Variants in TBX1 observed in about 807,000 individuals in gnomAD.
TBX1 encodes the protein T-box transcription factor TBX1.
In TBX1, 16 loss-of-function variants were observed where a neutral mutation model predicts 40.8. The ratio of observed to expected loss-of-function variants is 0.39; its 90% CI spans 0.27 to 0.60. The LOEUF is 0.60. Among genes scored for constraint, TBX1 ranks in the 20% least tolerant of loss-of-function variants. TBX1 has a pLI of 0.51. For missense variants in TBX1, 755 were observed against 728.5 expected (o/e 1.04, Z -0.42); for synonymous variants, 403 against 336.8 (o/e 1.20, Z -2.15).
upstream of TBX1, chr22:19,759,447 T>G: frequency 4.3e-6 from 6 of 1,398,940 alleles, no homozygotes; most frequent in Non-Finnish European, 5.5e-6. Flanking sequence ...GCGGTGCGGC[T>G]GGGCACACGC....
downstream of TBX1, among the ~76,000 whole-genome samples, chr22:19,771,828 G>A (rs567546609): frequency 1.3e-5 from 2 of 152,352 alleles, no homozygotes; most frequent in African/African-American, 2.4e-5. Flanking sequence ...ATGAAACCAT[G>A]GTGCAGTGGC....
Position 19,766,697 on chromosome 22 carries a change from G to A in TBX1, c.1345G>A (p.Gly449Ser), listed in dbSNP as rs777873225. The A allele has an allele frequency of 8.4e-6, 13 of 1,546,488 alleles. No individual in the cohort carries two copies. In the East Asian group the frequency reaches 1.6e-4, roughly 18 times the overall value. The stretch of plus-strand genomic sequence containing the variant: ...CCGGCCGGCGCCCTACCCGCTGCCC[G>A]GCCTGCGTGGCCACGGCTACCACCC... ...KSRPAPYPLP[G>S]LRGHGYHPHA... The change falls in exon 7 of 7, where the codon GGC becomes AGC. Residue 449 changes from glycine (G) to serine (S), a missense_variant. Around this residue, in one of 3 missense-constraint regions of TBX1, gnomAD observed 412 missense variants for 317.6 expected, o/e 1.30. Coordinates refer to ENST00000649276, the MANE Select transcript of TBX1 (RefSeq NM_001379200.1).
chr22:19,766,989 C>T lies in TBX1; in HGVS notation c.*122C>T. ...CCCAGCCCCAGGGGCCACCGCGGCT[C>T]TCCCCTTCCCCAGCCTCGAAGCCAT... On this transcript the variant is annotated 3_prime_UTR_variant, in exon 7 of 7. Coordinates refer to ENST00000649276, the MANE Select transcript of TBX1 (RefSeq NM_001379200.1). The T allele has an allele frequency of 3.5e-6, 5 of 1,436,270 alleles. No individual in the cohort carries two copies. Among genetic ancestry groups the T allele is most frequent in the Non-Finnish European group, 4.6e-6 (5 of 1,096,678 alleles). 89.0% of individuals were successfully genotyped at this position (1,436,270 alleles called of 1,614,324 possible). A position where few individuals can be genotyped will look rare whatever the true frequency, so the allele number is the denominator to read the frequency against.
At position 19,779,305 on chromosome 22, in the gene TBX1, A is replaced by G. The variant is rs147647675; in HGVS notation, c.1095A>G (p.Ala365=). The G allele has an allele frequency of 3.8e-4, 616 of 1,614,246 alleles. No homozygotes were observed. The highest frequency in any genetic ancestry group is 4.8e-4 in the Non-Finnish European group (565 of 1,180,042). Reference sequence around the variant, plus strand: ...GAGAAGTGGAGCTTCTGAGGGATGCAGGTGGCTGTGTGAACCTGGGGCTCC... The same window carrying G: ...GAGAAGTGGAGCTTCTGAGGGATGCGGGTGGCTGTGTGAACCTGGGGCTCC... The change falls in exon 9 of 9, where the codon GCA becomes GCG. Residue 365 remains alanine (A), a synonymous_variant. Coordinates refer to the TBX1 transcript ENST00000329705.
chr22:19,783,432 A>G, downstream of TBX1: 1 of 306,586 alleles, frequency 3.3e-6, no homozygotes, highest in Non-Finnish European at 6.4e-6. Flanking sequence ...CTTAAAGGCC[A>G]TGAGTTACTC....
At chr22:19,770,538 G>A (rs1435965140), downstream of TBX1, among the ~76,000 whole-genome samples, 1 of 152,230 alleles carries the variant, frequency 6.6e-6, no homozygotes, top group African/African-American at 2.4e-5. Flanking sequence ...GCTTGGCTGC[G>A]GGACAAGGCG....
At position 19,765,840 on chromosome 22, in the gene TBX1, C is replaced by G; in HGVS notation, c.935+15C>G. On this transcript the variant is annotated intron_variant, in intron 5 of 6. Coordinates refer to ENST00000649276, the MANE Select transcript of TBX1 (RefSeq NM_001379200.1). The stretch of plus-strand genomic sequence containing the variant: ...CCTGAGGACTGGTGAGTGTCCTCCC[C>G]CGAGAGAGTGAGCGCCGGGCGCCTG... 1 of 1,596,098 alleles carries G rather than the reference C, an allele frequency of 6.3e-7. No individual in the cohort carries two copies. The highest frequency in any genetic ancestry group is 8.5e-7 in the Non-Finnish European group (1 of 1,172,052).
At chr22:19,757,571 A>G (rs1177424895), upstream of TBX1, among the ~76,000 whole-genome samples, 1 of 152,180 alleles carries the variant, frequency 6.6e-6, no homozygotes, top group East Asian at 1.9e-4. Flanking sequence ...CCCCACCCCC[A>G]TGCCCCCACC....
chr22:19,779,098 T>G, intron 8 of TBX1: 1 of 1,189,824 alleles, frequency 8.4e-7, no homozygotes, highest in Non-Finnish European at 1.2e-6. Context: ...GGAGATGCAG[T>G]CCTGTCCTGC....
At chr22:19,777,523 G>A (rs1331107926) in intron 8 of TBX1, among the ~76,000 whole-genome samples, 3 of 152,134 alleles carry the variant, frequency 2.0e-5, no homozygotes, top group Admixed American at 6.5e-5. Context: ...ATAAACATAC[G>A]TGTGCATGTG....
intron 2 of TBX1, 103 bp from the exon 3 acceptor site, chr22:19,764,052 G>A: frequency 1.5e-6 from 2 of 1,322,478 alleles, no homozygotes; most frequent in East Asian, 2.4e-5. Context: ...AATCTCACAG[G>A]TGGGGAAACT....
chr22:19,759,271 G>A (rs989449523), upstream of TBX1, among the ~76,000 whole-genome samples: 1 of 152,232 alleles, frequency 6.6e-6, no homozygotes, highest in African/African-American at 2.4e-5. Context: ...TGGAAAGCAA[G>A]AGGGCCCTGC....
intron 1 of TBX1, among the ~76,000 whole-genome samples, 191 bp from the exon 2 acceptor site, chr22:19,763,050 C>G (rs942488271): frequency 2.0e-5 from 3 of 152,212 alleles, no homozygotes; most frequent in Non-Finnish European, 4.4e-5. Flanking sequence ...CTGCGCCAAG[C>G]TCCCAGTTGA....
chr22:19,766,180 G>A, intron 6 of TBX1, 178 bp downstream of exon 6: 1 of 804,672 alleles, frequency 1.2e-6, no homozygotes, highest in Non-Finnish European at 1.5e-6. Flanking sequence ...GCTGCGCCCC[G>A]CCCGCCGCCG....
chr22:19,769,850 A>G (rs1936958708), downstream of TBX1, among the ~76,000 whole-genome samples: 1 of 152,238 alleles, frequency 6.6e-6, no homozygotes, highest in South Asian at 2.1e-4. Context: ...CAGAACTGGG[A>G]GAAATAACTG....
At chr22:19,759,962 G>C (rs12158927), upstream of TBX1, among the ~76,000 whole-genome samples, 8,759 of 152,280 alleles carry the variant, frequency 0.058, 828 homozygotes, top group African/African-American at 0.2. Flanking sequence ...GCCTGGAGAG[G>C]GGGGAGGAAA....
In TBX1 at chr22:19,760,875, C is replaced by A. The variant is rs1403809781; in HGVS notation, c.32C>A (p.Thr11Lys). 1 of 1,046,958 alleles carries A rather than the reference C, an allele frequency of 9.6e-7. No individual in the cohort carries two copies. Among genetic ancestry groups the A allele is most frequent in the Non-Finnish European group, 1.2e-6 (1 of 860,356 alleles). 64.9% of individuals were successfully genotyped at this position (1,046,958 alleles called of 1,614,324 possible). A position where few individuals can be genotyped will look rare whatever the true frequency, so the allele number is the denominator to read the frequency against. The change falls in exon 1 of 7, where the codon ACG becomes AAG. Residue 11 changes from threonine to lysine, a missense_variant. Transcript: ENST00000649276. Reference protein sequence around the residue: MISAVSSPWLTQLSHFCDVAA... With the variant: MISAVSSPWLKQLSHFCDVAA... ...TCCGCCGTGTCCAGCCCGTGGCTCA[C>A]GCAGCTCTCGCATTTCTGCGACGTT...
At chr22:19,781,975 C>CTGGATCATATACATGA (rs41298844), downstream of TBX1, among the ~76,000 whole-genome samples, 74,506 of 151,920 alleles carry the variant, frequency 0.49, 18,740 homozygotes, top group South Asian at 0.59. Flanking sequence ...AAAAATATCA[C>CTGGATCATATACATGA]TGGTTTATTT....
chr22:19,764,070 G>A, intron 2 of TBX1, 85 bp from the exon 3 acceptor site: 1 of 1,503,892 alleles, frequency 6.6e-7, no homozygotes, highest in Non-Finnish European at 9.1e-7. Flanking sequence ...ACTTCTCAAA[G>A]GCACTTTTAG....
Sources: gnomAD v4.1 joint callset for allele counts (sites outside exome capture counted in the v4.1 genomes callset) on GRCh38, gnomAD v4.1.1 for gene constraint, gnomAD v4.1.1 regional missense constraint, MANE v1.5 for transcripts, NCBI Gene and HGNC (gene_info 2026-07-23, HGNC 2026-07-21) for gene names.